MERTK: variants seen among roughly 807,000 people sequenced by gnomAD.
MERTK encodes MER proto-oncogene, tyrosine kinase.
MERTK carries 69 observed loss-of-function variants against 99.3 expected under a neutral mutation model. The ratio of observed to expected loss-of-function variants is 0.70; its 90% CI spans 0.57 to 0.85. The LOEUF is 0.85. Ranked by LOEUF, MERTK falls within the 40% of genes least tolerant of loss-of-function variation. The pLI, the probability that MERTK is intolerant of heterozygous loss-of-function variation, is 0.00. For missense variants in MERTK, 1,125 were observed against 1,249.4 expected, an observed-to-expected ratio of 0.90 and a Z score of 1.50; for synonymous variants, 426 against 467.6, an observed-to-expected ratio of 0.91 and a Z score of 1.15.
chr2:111,970,829 C>CCTCCTCCTT (rs1234199986), intron 6 of MERTK, among the ~76,000 whole-genome samples: 3 of 115,170 alleles, frequency 2.6e-5, no homozygotes, highest in Non-Finnish European at 5.4e-5. Context: ...CCTCCTCCTC[C>CCTCCTCCTT]CTCCTCCTTC....
intron 13 of MERTK, among the ~76,000 whole-genome samples, chr2:112,007,259 A>G (rs979904126): frequency 1.3e-5 from 2 of 152,148 alleles, no homozygotes; most frequent in Non-Finnish European, 2.9e-5. Flanking sequence ...GATTCAGGCC[A>G]TTCTCTTGCC....
chr2:111,995,566 G>A (rs144701680), intron 9 of MERTK: 55 of 188,468 alleles, frequency 2.9e-4, no homozygotes, highest in African/African-American at 1.2e-3. Flanking sequence ...ACCATATTAC[G>A]TTCTTGCAGC....
intron 18 of MERTK, among the ~76,000 whole-genome samples, chr2:112,025,312 C>T (rs959671665): frequency 2.0e-5 from 3 of 152,168 alleles, no homozygotes; most frequent in Admixed American, 6.5e-5. Flanking sequence ...GGCTCCTCTC[C>T]GGGACTCACC....
At chr2:111,997,498 G>A (rs753266082) in intron 10 of MERTK, 22 bp downstream of exon 10, 1 of 1,611,500 alleles carries the variant, frequency 6.2e-7, no homozygotes. Flanking sequence ...AGCTAAAAAT[G>A]TTTGCCCACT....
At chr2:112,002,001 C>T (rs534325255) in intron 11 of MERTK, among the ~76,000 whole-genome samples, 1 of 151,432 alleles carries the variant, frequency 6.6e-6, no homozygotes, top group South Asian at 2.1e-4. Flanking sequence ...TCATTTAGAC[C>T]ACTTTCTTTC....
At chr2:111,906,833 G>A (rs1464953316) in intron 1 of MERTK, among the ~76,000 whole-genome samples, 1 of 152,244 alleles carries the variant, frequency 6.6e-6, no homozygotes, top group Non-Finnish European at 1.5e-5. Context: ...TCCTAGCTTT[G>A]AGAGGAACCT....
chr2:111,967,990 T>C, intron 5 of MERTK, 147 bp from the exon 6 acceptor site: 1 of 699,012 alleles, frequency 1.4e-6, no homozygotes, highest in Non-Finnish European at 2.6e-6. Context: ...CCCTCAGGCA[T>C]AGGGAGGCTC....
In MERTK at chr2:111,929,310, C is replaced by T; in HGVS notation, c.252C>T (p.Thr84=). The change falls in exon 2 of 19, where the codon ACC becomes ACT. Residue 84 remains threonine (T), a synonymous_variant. Transcript: ENST00000295408. ...GAAACGTAGCCATTCCCCAGGTGAC[C>T]TCTGTCGAATCAAAGCCCCTACCGC... The part of the protein sequence containing the change: ...HTGNVAIPQV[T]SVESKPLPPL... The T allele has an allele frequency of 1.2e-6, 2 of 1,614,216 alleles. No individual in the cohort carries two copies. Among genetic ancestry groups the T allele is most frequent in the Non-Finnish European group, 1.7e-6 (2 of 1,180,044 alleles).
At chr2:111,998,861 G>T (rs1676808379) in intron 10 of MERTK, among the ~76,000 whole-genome samples, 1 of 152,186 alleles carries the variant, frequency 6.6e-6, no homozygotes, top group South Asian at 2.1e-4. Context: ...TGAAAGACTT[G>T]TAACAGGTTA....
chr2:111,923,133 T>A (rs1684496344), intron 1 of MERTK, among the ~76,000 whole-genome samples: 1 of 152,240 alleles, frequency 6.6e-6, no homozygotes, highest in Non-Finnish European at 1.5e-5. Context: ...TGTAAATGTT[T>A]GCTGCATGTG....
chr2:111,933,894 G>A (rs547310057), intron 2 of MERTK, among the ~76,000 whole-genome samples: 67 of 69,530 alleles, frequency 9.6e-4, no homozygotes, highest in African/African-American at 3.9e-3. Flanking sequence ...AACAGGCCCC[G>A]ATGTGTGAAA....
At chr2:111,907,987 G>C (rs763591129) in intron 1 of MERTK, among the ~76,000 whole-genome samples, 19 of 152,144 alleles carry the variant, frequency 1.2e-4, no homozygotes, top group Non-Finnish European at 2.5e-4. Context: ...AAGCTATTCT[G>C]TGCCACCTCT....
chr2:112,028,323 A>G, intron 18 of MERTK, 28 bp from the exon 19 acceptor site: 1 of 1,610,778 alleles, frequency 6.2e-7, no homozygotes, highest in Non-Finnish European at 8.5e-7. Context: ...CCATGCTGGG[A>G]GACAATCCAC....
intron 1 of MERTK, among the ~76,000 whole-genome samples, chr2:111,909,216 G>A (rs1014815910): frequency 2.6e-5 from 4 of 152,086 alleles, no homozygotes; most frequent in Admixed American, 6.5e-5. Flanking sequence ...GCCAGGTCTC[G>A]GTAACGCAGG....
intron 8 of MERTK, among the ~76,000 whole-genome samples, chr2:111,988,569 T>C (rs1676541616): frequency 6.6e-6 from 1 of 152,194 alleles, no homozygotes; most frequent in Non-Finnish European, 1.5e-5. Flanking sequence ...GAACATGATA[T>C]AAGAATAATC....
At chr2:112,009,786 T>C (rs1228478020) in intron 14 of MERTK, 162 bp from the exon 15 acceptor site, 2 of 679,940 alleles carry the variant, frequency 2.9e-6, no homozygotes, top group East Asian at 5.4e-5. Context: ...GGACCCTGTG[T>C]GTGTTCCATT....
chr2:111,956,029 G>A (rs1685142391), intron 4 of MERTK, among the ~76,000 whole-genome samples: 1 of 151,846 alleles, frequency 6.6e-6, no homozygotes. Flanking sequence ...ATGACGAGTT[G>A]ATGGATGCAG....
At position 111,968,224 on chromosome 2, in the gene MERTK, AC is replaced by A. The variant is rs2104725505; in HGVS notation, c.933del (p.Ser312ProfsTer16). The A allele has an allele frequency of 4.3e-6, 7 of 1,612,874 alleles. No homozygotes were observed. Among genetic ancestry groups the A allele is most frequent in the Non-Finnish European group, 5.9e-6 (7 of 1,179,694 alleles). Reference protein sequence around the residue: ...LISWVPGFDGYSPFRNCSIQV... With the variant: ...LISWVPGFDGXSPFRNCSIQV... ...TCCTGGGTTCCTGGTTTTGATGGAT[AC>A]TCCCCGTTCAGGAATTGCAGCATTC... is the stretch of plus-strand genomic sequence containing the variant. On this transcript the variant is annotated frameshift_variant, in exon 6 of 19. Coordinates refer to ENST00000295408, the MANE Select transcript of MERTK (RefSeq NM_006343.3). LOFTEE classifies it high-confidence loss of function.
At chr2:112,005,454 G>A (rs1034718417) in intron 13 of MERTK, among the ~76,000 whole-genome samples, 2 of 152,148 alleles carry the variant, frequency 1.3e-5, no homozygotes, top group African/African-American at 4.8e-5. Flanking sequence ...GGTTGTGCTG[G>A]GCTTCTTCAT....
Sources: gnomAD v4.1 joint callset for allele counts (sites outside exome capture counted in the v4.1 genomes callset) on GRCh38, gnomAD v4.1.1 for gene constraint, MANE v1.5 for transcripts, NCBI Gene and HGNC (gene_info 2026-07-23, HGNC 2026-07-21) for gene names.